USH2A: variants seen among roughly 807,000 people sequenced by gnomAD.
The protein encoded by USH2A is usherin, also known as Usher syndrome 2A (autosomal recessive, mild).
USH2A carries 443 observed loss-of-function variants against 538.9 expected under a neutral mutation model. The ratio of observed to expected loss-of-function variants is 0.82; its 90% CI spans 0.76 to 0.89. USH2A has a LOEUF of 0.89. USH2A is among the 40% of genes least tolerant of loss of function. USH2A has a pLI of 0.00. For synonymous variants in USH2A, 2,413 were observed against 2,273.5 expected (o/e 1.06, Z -1.75); for missense variants, 6,633 against 6,324.8 (o/e 1.05, Z -1.65).
At chr1:215,929,675 C>T (rs148222069) in intron 38 of USH2A, among the ~76,000 whole-genome samples, 1 of 152,030 alleles carries the variant, frequency 6.6e-6, no homozygotes, top group Non-Finnish European at 1.5e-5. Flanking sequence ...AAACACATTA[C>T]ATATAATATG....
Position 216,325,310 on chromosome 1 carries a change from AC to A in USH2A, c.1137del (p.Gln379HisfsTer19). On this transcript the variant is annotated frameshift_variant, in exon 6 of 72. Transcript: ENST00000307340. LOFTEE classifies it high-confidence loss of function. Reference protein sequence around the residue: ...VTISVDLENGQYQVFYIIIQF... With the variant: ...VTISVDLENGXYQVFYIIIQF... ...ACCTTATCGTTTCTCATTACCTGATACTGTCCATTTTCCAAATCAACTGAAA... is the reference window on the plus strand; with the variant it reads ...ACCTTATCGTTTCTCATTACCTGATATGTCCATTTTCCAAATCAACTGAAA... The A allele has an allele frequency of 6.2e-7, 1 of 1,613,688 alleles. No homozygotes were observed. Among genetic ancestry groups the A allele is most frequent in the Non-Finnish European group, 8.5e-7 (1 of 1,179,802 alleles).
chr1:215,676,475 C>G (rs1158218599), intron 62 of USH2A, among the ~76,000 whole-genome samples: 2 of 152,098 alleles, frequency 1.3e-5, no homozygotes, highest in African/African-American at 2.4e-5. Flanking sequence ...TTCGATGACT[C>G]CCTATCATGG....
chr1:215,636,558 T>C (rs1421880859), intron 69 of USH2A, among the ~76,000 whole-genome samples: 1 of 152,208 alleles, frequency 6.6e-6, no homozygotes, highest in Non-Finnish European at 1.5e-5. Flanking sequence ...CCTCTGTGTG[T>C]GGCACAGAGA....
chr1:216,027,958 A>T (rs1375963983), intron 32 of USH2A, among the ~76,000 whole-genome samples: 1 of 152,220 alleles, frequency 6.6e-6, no homozygotes, highest in East Asian at 1.9e-4. Context: ...AAGCACCAAA[A>T]TTCTAGTCCT....
At chr1:215,871,582 C>T (rs1664624877) in intron 43 of USH2A, among the ~76,000 whole-genome samples, 1 of 152,188 alleles carries the variant, frequency 6.6e-6, no homozygotes, top group African/African-American at 2.4e-5. Flanking sequence ...TACATCACTT[C>T]ACTCATTCAT....
At chr1:215,836,039 G>C (rs1190795578) in intron 47 of USH2A, among the ~76,000 whole-genome samples, 2 of 151,960 alleles carry the variant, frequency 1.3e-5, no homozygotes, top group African/African-American at 2.4e-5. Flanking sequence ...AAAAAACCTA[G>C]AGACACAGTC....
At chr1:216,075,384 A>G (rs920091161) in intron 27 of USH2A, among the ~76,000 whole-genome samples, 1 of 152,200 alleles carries the variant, frequency 6.6e-6, no homozygotes, top group Admixed American at 6.5e-5. Flanking sequence ...GAGGACAACA[A>G]AAGGAGAAAG....
rs1662526378 is a variant in USH2A, at chr1:215,807,079, C to T, written c.9739+6657G>A. 2.6e-5 allele frequency among the ~76,000 whole-genome samples: 4 copies of T among 152,000 alleles called. No individual in the cohort carries two copies. In the South Asian group the frequency reaches 8.3e-4, roughly 31 times the overall value. ...ACATGGCAAAGGGGAATGAAGACAA[C>T]AGATGTGATTAAGTTTAATAATATG... On this transcript the variant is annotated intron_variant, in intron 49 of 71. Transcript: ENST00000307340.
intron 16 of USH2A, among the ~76,000 whole-genome samples, chr1:216,202,055 G>A (rs1277437719): frequency 6.6e-6 from 1 of 152,060 alleles, no homozygotes; most frequent in Non-Finnish European, 1.5e-5. Context: ...CCCACAATAA[G>A]GTTGTTGAAA....
chr1:215,991,269 A>T (rs1253263875), intron 35 of USH2A, among the ~76,000 whole-genome samples: 1 of 152,208 alleles, frequency 6.6e-6, no homozygotes, highest in Non-Finnish European at 1.5e-5. Flanking sequence ...ATTCAGGTTG[A>T]GTCACAAGTT....
intron 44 of USH2A, among the ~76,000 whole-genome samples, chr1:215,865,200 T>A (rs967571681): frequency 6.6e-6 from 1 of 152,130 alleles, no homozygotes; most frequent in Non-Finnish European, 1.5e-5. Context: ...AAAATGATAA[T>A]GCAACAAGCT....
chr1:215,664,299 T>C (rs1374793508), intron 64 of USH2A, among the ~76,000 whole-genome samples: 2 of 152,220 alleles, frequency 1.3e-5, no homozygotes, highest in Non-Finnish European at 2.9e-5. Context: ...TTAAAAAATA[T>C]ATTAGTGAAT....
intron 20 of USH2A, 127 bp from the exon 21 acceptor site, chr1:216,175,609 G>A: frequency 1.1e-6 from 1 of 907,476 alleles, no homozygotes; most frequent in South Asian, 1.5e-5. Flanking sequence ...GTGGTTTCAA[G>A]TATCTGTATG....
chr1:215,859,964 TGG>T (rs1357137878), intron 44 of USH2A, among the ~76,000 whole-genome samples: 1 of 152,188 alleles, frequency 6.6e-6, no homozygotes, highest in Non-Finnish European at 1.5e-5. Flanking sequence ...TTCTCATGAA[TGG>T]CTTGGTGTCT....
intron 38 of USH2A, among the ~76,000 whole-genome samples, chr1:215,913,938 A>G (rs1196530142): frequency 6.6e-6 from 1 of 152,062 alleles, no homozygotes; most frequent in Non-Finnish European, 1.5e-5. Flanking sequence ...ATTAACCTGC[A>G]TAATTACCAA....
chr1:216,359,846 G>A (rs75362990), intron 4 of USH2A, among the ~76,000 whole-genome samples: 2,777 of 152,074 alleles, frequency 0.018, 91 homozygotes, highest in African/African-American at 0.061. Flanking sequence ...AGCAAATGAA[G>A]TTCAAAAACA....
At chr1:216,128,492 A>T (rs1375826495) in intron 21 of USH2A, among the ~76,000 whole-genome samples, 1 of 152,104 alleles carries the variant, frequency 6.6e-6, no homozygotes, top group African/African-American at 2.4e-5. Context: ...GCAAACATAG[A>T]CAAGATCCCA....
rs2102671958 is a variant in USH2A at position 215,680,392 on chromosome 1, C to T, written c.12067-16G>A. 1 of 1,569,042 alleles carries T rather than the reference C, an allele frequency of 6.4e-7. No homozygotes were observed. Among genetic ancestry groups the T allele is most frequent in the Non-Finnish European group, 8.6e-7 (1 of 1,162,200 alleles). ...GGCTTGTTCCCTGTAAGAAAATTAA[C>T]AGGTTAAGTTGTTGTTTTTTTTTTT... On this transcript the variant is annotated splice_polypyrimidine_tract_variant and intron_variant, in intron 61 of 71. Transcript: ENST00000307340.
At chr1:216,016,596 C>T (rs1037474860) in intron 32 of USH2A, among the ~76,000 whole-genome samples, 12 of 152,130 alleles carry the variant, frequency 7.9e-5, no homozygotes, top group Admixed American at 7.9e-4. Flanking sequence ...CTGAGTTGCC[C>T]TTTTAATAAA....
Sources: gnomAD v4.1 joint callset for allele counts (sites outside exome capture counted in the v4.1 genomes callset) on GRCh38, gnomAD v4.1.1 for gene constraint, MANE v1.5 for transcripts, NCBI Gene and HGNC (gene_info 2026-07-23, HGNC 2026-07-21) for gene names.